The following NPHP4 variants were observed in gnomAD, a reference collection of about 807,000 sequenced individuals.
NPHP4 encodes the protein nephrocystin 4.
Under a neutral mutation model 155.8 loss-of-function variants are expected in NPHP4, and 151 were observed. The observed-to-expected ratio is 0.97, with a 90% CI of 0.85 to 1.11. The LOEUF (loss-of-function observed/expected upper bound fraction) is 1.11. Among genes scored for constraint, NPHP4 ranks in the 50% least tolerant of loss-of-function variants. NPHP4 has a pLI of 0.00. For synonymous variants in NPHP4, 845 were observed against 816.8 expected (o/e 1.03, Z -0.59); for missense variants, 1,956 against 1,925.7 (o/e 1.02, Z -0.29).
intron 10 of NPHP4, among the ~76,000 whole-genome samples, chr1:5,928,105 T>A (rs1259870012): frequency 2.6e-5 from 4 of 152,164 alleles, no homozygotes; most frequent in African/African-American, 9.7e-5. Flanking sequence ...TCTGTGGGTT[T>A]TGGCACATGC....
At chr1:5,975,694 T>TA (rs1653430115) in intron 3 of NPHP4, among the ~76,000 whole-genome samples, 3 of 152,172 alleles carry the variant, frequency 2.0e-5, no homozygotes, top group Admixed American at 2.0e-4. Flanking sequence ...CTAGTCTCCC[T>TA]AACACATCTG....
In NPHP4 at chr1:5,873,078, C is replaced by A. The variant is rs537628278; in HGVS notation, c.3315+174G>T. 2.8e-4 allele frequency among the ~76,000 whole-genome samples: 43 copies of A among 152,288 alleles called. No individual in the cohort carries two copies. In the Middle Eastern group the frequency reaches 0.01, roughly 36 times the overall value. ...CATGCAGGCTGTGCCAGCGCCCAGACGGAGCTGCCCTGCCCAGCGAGGACA... is the reference window on the plus strand; with the variant it reads ...CATGCAGGCTGTGCCAGCGCCCAGAAGGAGCTGCCCTGCCCAGCGAGGACA... On this transcript the variant is annotated intron_variant, in intron 23 of 29. Coordinates refer to ENST00000378156, the MANE Select transcript of NPHP4 (RefSeq NM_015102.5).
rs756096230 is a variant in NPHP4, at chr1:5,910,491, T to C, written c.1442-1278A>G. Among the ~76,000 whole-genome samples, 10 of 152,086 alleles carry C rather than the reference T, an allele frequency of 6.6e-5. No homozygotes were observed. The highest frequency in any genetic ancestry group is 1.2e-4 in the Non-Finnish European group (8 of 68,008). On this transcript the variant is annotated intron_variant, in intron 11 of 29. Coordinates refer to ENST00000378156, the MANE Select transcript of NPHP4 (RefSeq NM_015102.5). This position sits in a 1 kb window ranked among gnomAD's most constrained non-coding sequence, Gnocchi z 5.4. ...CCCTCTCCTGTGGCCTCTGCTGCCA[T>C]GAAGGTTGGGCAAACGAATCTCCTA...
chr1:5,937,114 C>T (rs1374447447), intron 9 of NPHP4, among the ~76,000 whole-genome samples: 1 of 152,212 alleles, frequency 6.6e-6, no homozygotes. Context: ...GGAACTCAGT[C>T]CTGCCACACC....
rs1656513100 is a variant in NPHP4 at position 5,992,301 on chromosome 1, G to A, written c.-96C>T. Reference sequence around the variant, plus strand: ...GGCCACGGAGCCCACGCTTTTCAGAGAGTCTCCACTCGACGGACCCAGAGG... The same window carrying A: ...GGCCACGGAGCCCACGCTTTTCAGAAAGTCTCCACTCGACGGACCCAGAGG... On this transcript the variant is annotated 5_prime_UTR_variant, in exon 1 of 30. Transcript: ENST00000378156. 1 of 152,164 alleles carries A rather than the reference G, an allele frequency of 6.6e-6. No homozygotes were observed. Among genetic ancestry groups the A allele is most frequent in the Non-Finnish European group, 1.5e-5 (1 of 68,046 alleles). The allele number at this position is 152,164 out of a possible 1,614,324, so 9.4% of individuals were successfully genotyped here.
At chr1:5,917,238 T>A (rs1645521728) in intron 11 of NPHP4, among the ~76,000 whole-genome samples, 1 of 151,986 alleles carries the variant, frequency 6.6e-6, no homozygotes. Context: ...CCCATCCCCA[T>A]CAGGTGTTAC....
intron 18 of NPHP4, among the ~76,000 whole-genome samples, chr1:5,885,902 G>A (rs115882729): frequency 1.5e-3 from 236 of 152,318 alleles, no homozygotes; most frequent in African/African-American, 5.5e-3. Context: ...GGGTGGATTC[G>A]ACCTTTGTGA....
rs1646967870 is a variant in NPHP4, at chr1:5,944,201, A to G, written c.1119+2903T>C. The stretch of plus-strand genomic sequence containing the variant: ...GAAGCTCCGTGGGGCCCATCGCACC[A>G]GCCAGCCTGTTTTCAGCTGTGCTTA... On this transcript the variant is annotated intron_variant, in intron 9 of 29. Transcript: ENST00000378156. This position sits in a 1 kb window ranked among gnomAD's most constrained non-coding sequence, Gnocchi z 4.3. 6.6e-6 allele frequency among the ~76,000 whole-genome samples: 1 copy of G among 152,234 alleles called. No individual in the cohort carries two copies. The highest frequency in any genetic ancestry group is 6.5e-5 in the Admixed American group (1 of 15,288).
intron 1 of NPHP4, among the ~76,000 whole-genome samples, chr1:5,988,241 A>G (rs952151000): frequency 6.6e-5 from 10 of 152,232 alleles, no homozygotes; most frequent in Non-Finnish European, 1.2e-4. Context: ...TAGGGTTTCA[A>G]TGCAGCAGCA....
At chr1:5,967,707 G>T (rs965461355) in intron 4 of NPHP4, among the ~76,000 whole-genome samples, 6 of 152,188 alleles carry the variant, frequency 3.9e-5, no homozygotes, top group African/African-American at 1.4e-4. Flanking sequence ...TTCTCAACCA[G>T]CGATGATTCT....
intron 3 of NPHP4, among the ~76,000 whole-genome samples, chr1:5,976,263 G>T (rs369323388): frequency 6.6e-6 from 1 of 152,054 alleles, no homozygotes; most frequent in Non-Finnish European, 1.5e-5. Context: ...CTTTAAAATG[G>T]GTACACAGGA....
intron 16 of NPHP4, among the ~76,000 whole-genome samples, chr1:5,900,300 AAAC>A (rs1644605786): frequency 6.6e-6 from 1 of 152,258 alleles, no homozygotes; most frequent in Admixed American, 6.5e-5. Context: ...CAAAAACTGT[AAAC>A]AACCAAGATG....
chr1:5,961,694 G>T, intron 6 of NPHP4, 100 bp downstream of exon 6: 2 of 1,170,708 alleles, frequency 1.7e-6, no homozygotes, highest in South Asian at 1.3e-5. Flanking sequence ...AGGGGCGCTC[G>T]GCCCACGCTG....
intron 2 of NPHP4, among the ~76,000 whole-genome samples, chr1:5,980,746 G>C (rs766062614): frequency 6.6e-6 from 1 of 152,178 alleles, no homozygotes; most frequent in South Asian, 2.1e-4. Context: ...ACTGAATCTC[G>C]CATCTCAAGT....
intron 7 of NPHP4, among the ~76,000 whole-genome samples, chr1:5,950,798 C>A (rs534276185): frequency 3.8e-4 from 58 of 152,256 alleles, no homozygotes; most frequent in African/African-American, 1.4e-3. Flanking sequence ...TTACTTCCTG[C>A]TCGAGATTCT....
intron 9 of NPHP4, among the ~76,000 whole-genome samples, chr1:5,946,785 T>TA (rs1407153335): frequency 6.6e-6 from 1 of 152,206 alleles, no homozygotes; most frequent in Non-Finnish European, 1.5e-5. Flanking sequence ...GCCTACGTAA[T>TA]AAAGTTTTCA....
At chr1:5,919,291 TTC>T (rs1380839496) in intron 11 of NPHP4, among the ~76,000 whole-genome samples, 1 of 152,130 alleles carries the variant, frequency 6.6e-6, no homozygotes, top group Non-Finnish European at 1.5e-5. Context: ...CCACAAGTCA[TTC>T]TCTCTTTTTT....
In NPHP4 at chr1:5,907,211, G is replaced by C; in HGVS notation, c.1515C>G (p.Ser505=). 6.3e-7 allele frequency: 1 copy of C among 1,577,944 alleles called. No homozygotes were observed. The change falls in exon 13 of 30, where the codon TCC becomes TCG. Residue 505 remains serine, a synonymous_variant. Coordinates refer to ENST00000378156, the MANE Select transcript of NPHP4 (RefSeq NM_015102.5). ...NSPVGPGLSI[S]QLAASPRSPT... is the part of the protein sequence containing the mutation. The stretch of plus-strand genomic sequence containing the variant: ...GGGACCGCGGGGAGGCCGCCAGCTG[G>C]GAAATTGACAACTGGAAGGAAAGAG...
chr1:5,958,626 C>A (rs999033818), intron 6 of NPHP4, among the ~76,000 whole-genome samples: 1 of 150,576 alleles, frequency 6.6e-6, no homozygotes, highest in South Asian at 2.1e-4. Flanking sequence ...ACCCGGAAGG[C>A]GGAGGTTGTA....
Sources: allele counts gnomAD v4.1 joint callset (sites outside exome capture counted in the v4.1 genomes callset), GRCh38; gene constraint gnomAD v4.1.1; non-coding constraint Gnocchi (gnomAD v3.1); transcripts MANE v1.5; gene names NCBI Gene and HGNC (gene_info 2026-07-23, HGNC 2026-07-21).